Variants in ADAMTSL1 observed in about 807,000 individuals in gnomAD.
ADAMTSL1 encodes ADAMTS like 1.
In ADAMTSL1, 126 loss-of-function variants were observed where a neutral mutation model predicts 201.8. The observed-to-expected ratio is 0.62, with a 90% CI of 0.54 to 0.72. ADAMTSL1 has a LOEUF of 0.72. ADAMTSL1 is among the 30% of genes least tolerant of loss of function. ADAMTSL1 has a pLI of 0.00. For synonymous variants in ADAMTSL1, 1,121 were observed against 903.4 expected (o/e 1.24, Z -4.32); for missense variants, 2,679 against 2,277.8 (o/e 1.18, Z -3.59).
At position 18,578,985 on chromosome 9, in the gene ADAMTSL1, A is replaced by T. The variant is rs1016004351; in HGVS notation, c.474+4719A>T. Among the ~76,000 whole-genome samples, 3 of 151,544 alleles carry T rather than the reference A, an allele frequency of 2.0e-5. No individual in the cohort carries two copies. The East Asian group carries it at 5.8e-4, about 29-fold the overall frequency. On this transcript the variant is annotated intron_variant, in intron 4 of 28. Transcript: ENST00000380548. ...TGCATTTCTCTGATGGCCAGTGATG[A>T]TGAGCATTTTTTCATGTGTTTTTTG...
At chr9:17,930,202 A>G (rs1323919764) in intron 1 of ADAMTSL1, among the ~76,000 whole-genome samples, 5 of 152,154 alleles carry the variant, frequency 3.3e-5, no homozygotes, top group Admixed American at 3.3e-4. Flanking sequence ...GTGCTCTTCA[A>G]GCACCTGGTT....
chr9:17,921,854 G>GT (rs1296438737), intron 1 of ADAMTSL1, among the ~76,000 whole-genome samples: 3 of 151,886 alleles, frequency 2.0e-5, no homozygotes, highest in African/African-American at 4.8e-5. Context: ...CCCTATTTTT[G>GT]TTTTTTAATT....
chr9:18,033,133 T>G (rs1329332326), intron 1 of ADAMTSL1, among the ~76,000 whole-genome samples: 1 of 152,184 alleles, frequency 6.6e-6, no homozygotes, highest in African/African-American at 2.4e-5. Context: ...TCATAGCGTG[T>G]GATAAATAGG....
chr9:18,631,217 T>A (rs1826749068), intron 5 of ADAMTSL1, among the ~76,000 whole-genome samples: 1 of 152,168 alleles, frequency 6.6e-6, no homozygotes. Context: ...GGCTCCAAGT[T>A]TTCTGGCCTA....
intron 9 of ADAMTSL1, 113 bp from the exon 10 acceptor site, chr9:18,675,744 T>G (rs1375460408): frequency 2.1e-6 from 2 of 933,204 alleles, no homozygotes; most frequent in Non-Finnish European, 3.3e-6. Flanking sequence ...ATAGATACAA[T>G]TTATTAATGT....
chr9:18,134,757 A>C (rs1465324590), intron 1 of ADAMTSL1, among the ~76,000 whole-genome samples: 1 of 152,216 alleles, frequency 6.6e-6, no homozygotes, highest in Non-Finnish European at 1.5e-5. Context: ...AAACCCAAGC[A>C]TCTGAAATGA....
At chr9:18,572,137 G>A (rs906828417) in intron 3 of ADAMTSL1, among the ~76,000 whole-genome samples, 3 of 151,824 alleles carry the variant, frequency 2.0e-5, no homozygotes, top group Admixed American at 2.0e-4. Context: ...GGAGGTTGCA[G>A]TGAGCCGAGA....
chr9:18,660,978 G>A (rs781284044), intron 8 of ADAMTSL1, among the ~76,000 whole-genome samples: 3 of 152,004 alleles, frequency 2.0e-5, no homozygotes, highest in Non-Finnish European at 4.4e-5. Context: ...CAATAACCGT[G>A]TTCAACCCAC....
At chr9:18,831,779 A>G (rs1322125845) in intron 23 of ADAMTSL1, among the ~76,000 whole-genome samples, 2 of 152,188 alleles carry the variant, frequency 1.3e-5, no homozygotes, top group African/African-American at 2.4e-5. Flanking sequence ...ATGAACTTGA[A>G]TGGTGAATGT....
intron 2 of ADAMTSL1, among the ~76,000 whole-genome samples, chr9:18,212,136 G>T (rs1158402044): frequency 6.6e-6 from 1 of 152,130 alleles, no homozygotes; most frequent in Non-Finnish European, 1.5e-5. Context: ...GTGTATTAAC[G>T]TGTATGTATT....
intron 19 of ADAMTSL1, among the ~76,000 whole-genome samples, chr9:18,795,026 T>C (rs1040602906): frequency 1.3e-5 from 2 of 152,222 alleles, no homozygotes; most frequent in African/African-American, 4.8e-5. Context: ...CTTTGCTTTT[T>C]CCTTAATAAG....
intron 1 of ADAMTSL1, among the ~76,000 whole-genome samples, chr9:17,990,375 T>C (rs966214040): frequency 8.5e-5 from 13 of 152,074 alleles, no homozygotes; most frequent in South Asian, 4.1e-4. Context: ...TTGAGATGTT[T>C]GGACTCCTTT....
At chr9:17,973,039 A>G (rs1300418503) in intron 1 of ADAMTSL1, among the ~76,000 whole-genome samples, 1 of 134,276 alleles carries the variant, frequency 7.4e-6, no homozygotes, top group Non-Finnish European at 1.6e-5. Context: ...AATTTGTTTG[A>G]GTTCATTGTA....
chr9:18,815,885 G>A (rs761451753), intron 20 of ADAMTSL1, among the ~76,000 whole-genome samples: 2 of 151,982 alleles, frequency 1.3e-5, no homozygotes, highest in African/African-American at 4.8e-5. Flanking sequence ...CATAATAATT[G>A]TACATATTTA....
intron 2 of ADAMTSL1, among the ~76,000 whole-genome samples, chr9:18,245,696 C>T (rs1439566593): frequency 6.6e-6 from 1 of 151,574 alleles, no homozygotes; most frequent in East Asian, 1.9e-4. Context: ...AGAACACAGT[C>T]CCTCCTTTTT....
At chr9:18,116,691 T>G (rs758766690) in intron 1 of ADAMTSL1, among the ~76,000 whole-genome samples, 4 of 152,198 alleles carry the variant, frequency 2.6e-5, no homozygotes, top group Non-Finnish European at 5.9e-5. Context: ...TCTTTTTCTT[T>G]TTTTATGGTT....
At chr9:18,400,825 C>T (rs568085511) in intron 2 of ADAMTSL1, among the ~76,000 whole-genome samples, 3 of 152,226 alleles carry the variant, frequency 2.0e-5, no homozygotes, top group Non-Finnish European at 4.4e-5. Flanking sequence ...CCCTGTGCTT[C>T]GTGCCATGAC....
At chr9:18,299,647 A>T (rs1184592788) in intron 2 of ADAMTSL1, among the ~76,000 whole-genome samples, 1 of 152,128 alleles carries the variant, frequency 6.6e-6, no homozygotes, top group Non-Finnish European at 1.5e-5. Flanking sequence ...CTTGTAATGG[A>T]ATTGGCTGCA....
At chr9:17,997,582 T>C (rs913745970) in intron 1 of ADAMTSL1, among the ~76,000 whole-genome samples, 29 of 152,048 alleles carry the variant, frequency 1.9e-4, no homozygotes, top group African/African-American at 6.8e-4. Flanking sequence ...AAAATAAAAA[T>C]ATTTCTCAGC....
Sources: allele counts gnomAD v4.1 joint callset (sites outside exome capture counted in the v4.1 genomes callset), GRCh38; gene constraint gnomAD v4.1.1; transcripts MANE v1.5; gene names NCBI Gene and HGNC (gene_info 2026-07-23, HGNC 2026-07-21).